Variants in TLN2 observed in about 807,000 individuals in gnomAD.
TLN2 encodes the protein talin 2.
A neutral mutation model predicts 294.7 loss-of-function variants in TLN2; 118 were observed. The observed-to-expected ratio is 0.40, with a 90% CI of 0.34 to 0.47. TLN2 has a LOEUF of 0.47. Among genes scored for constraint, TLN2 ranks in the 20% least tolerant of loss-of-function variants. TLN2 has a pLI of 0.84. For missense variants in TLN2, 3,083 were observed against 3,282.2 expected, an observed-to-expected ratio of 0.94 and a Z score of 1.48; for synonymous variants, 1,431 against 1,304.5, an observed-to-expected ratio of 1.10 and a Z score of -2.09.
intron 35 of TLN2, among the ~76,000 whole-genome samples, chr15:62,753,221 C>T (rs2062033206): frequency 1.3e-5 from 2 of 152,148 alleles, no homozygotes; most frequent in East Asian, 1.9e-4. Context: ...CTTTTCTGGG[C>T]CATCTTACTC....
intron 32 of TLN2, among the ~76,000 whole-genome samples, chr15:62,741,750 T>C (rs12185073): frequency 1.7e-4 from 6 of 35,908 alleles, no homozygotes; most frequent in Admixed American, 1.2e-3. Flanking sequence ...AATTTGCGCG[T>C]GTGTGTGTGT....
rs756684464 is a variant in TLN2, at chr15:62,740,727, C to A, written c.3983C>A (p.Pro1328Gln). Residue 1328 changes from proline to glutamine, a missense_variant, in exon 32 of 59, where the codon CCA becomes CAA. Pro to Gln is a moderately conservative substitution (Grantham distance 76, BLOSUM62 -1). Transcript: ENST00000636159. ...LLAAKSLSVDPGAPNAKNLLA... is the reference protein window; with the variant it reads ...LLAAKSLSVDQGAPNAKNLLA... Reference sequence around the variant, plus strand: ...GCTGCCAAGTCTCTCTCTGTAGATCCAGGAGCTCCCAATGCGAAAAATCTC... The same window carrying A: ...GCTGCCAAGTCTCTCTCTGTAGATCAAGGAGCTCCCAATGCGAAAAATCTC... The A allele has an allele frequency of 1.2e-6, 2 of 1,614,180 alleles. No homozygotes were observed. The highest frequency in any genetic ancestry group is 1.7e-6 in the Non-Finnish European group (2 of 1,180,032).
chr15:62,531,279 A>G (rs1402030437), intron 1 of TLN2, among the ~76,000 whole-genome samples: 1 of 152,212 alleles, frequency 6.6e-6, no homozygotes, highest in Non-Finnish European at 1.5e-5. Flanking sequence ...CAACTTGGGT[A>G]GAATTGGAGA....
chr15:62,564,331 C>T (rs1461782867), intron 1 of TLN2, among the ~76,000 whole-genome samples: 6 of 152,088 alleles, frequency 3.9e-5, no homozygotes, highest in East Asian at 1.9e-4. Context: ...CTGGTGTGCC[C>T]GTGGGGTGGA....
chr15:62,573,546 TTGCA>T (rs2140653336), intron 1 of TLN2, among the ~76,000 whole-genome samples: 1 of 152,234 alleles, frequency 6.6e-6, no homozygotes, highest in East Asian at 1.9e-4. Context: ...TCCTTCTATC[TTGCA>T]TGCATGACAG....
chr15:62,838,939 C>G lies in TLN2; in HGVS notation c.7458C>G (p.Asp2486Glu). The G allele has an allele frequency of 6.2e-7, 1 of 1,614,076 alleles. No individual in the cohort carries two copies. Residue 2486 changes from aspartate (D) to glutamate (E), a missense_variant, in exon 58 of 59, where the codon GAC becomes GAG. Physicochemically the swap from Asp to Glu is conservative, Grantham distance 45. Coordinates refer to ENST00000636159, the MANE Select transcript of TLN2 (RefSeq NM_015059.3). ...QKAAFGKADD[D>E]DVVVKTKFVG... ...CAGCTTTTGGCAAAGCTGATGACGACGATGTTGTAGTGAAAACCAAGTTTG... is the reference window on the plus strand; with the variant it reads ...CAGCTTTTGGCAAAGCTGATGACGAGGATGTTGTAGTGAAAACCAAGTTTG...
Position 62,690,906 on chromosome 15 carries a change from C to A in TLN2, c.1114-1934C>A, listed in dbSNP as rs753001479. On this transcript the variant is annotated intron_variant, in intron 12 of 58. Transcript: ENST00000636159. ...GTGCGCGCCTGCAATCGCAGGCACT[C>A]GGCAGGCTGAGGCAGGAGAATCAGG... Among the ~76,000 whole-genome samples the A allele has an allele frequency of 1.2e-3, 182 of 150,568 alleles. 2 individuals are homozygous for A. Among genetic ancestry groups the A allele is most frequent in the Non-Finnish European group, 1.8e-3 (120 of 67,838 alleles).
At chr15:62,407,120 C>G (rs1310218493) in intron 1 of TLN2, among the ~76,000 whole-genome samples, 1 of 152,094 alleles carries the variant, frequency 6.6e-6, no homozygotes, top group Non-Finnish European at 1.5e-5. Flanking sequence ...ACAAAGCCAG[C>G]AGGTGCAGAA....
At position 62,736,962 on chromosome 15, in the gene TLN2, C is replaced by T. The variant is rs768697506; in HGVS notation, c.3443C>T (p.Ala1148Val). The T allele has an allele frequency of 3.7e-6, 6 of 1,614,048 alleles. No homozygotes were observed. Among genetic ancestry groups the T allele is most frequent in the African/African-American group, 2.7e-5 (2 of 74,926 alleles). Reference protein sequence around the residue: ...RGVAASTTDPAAAHAMLDSAR... With the variant: ...RGVAASTTDPVAAHAMLDSAR... Reference sequence around the variant, plus strand: ...GTGGCTGCATCGACAACCGACCCCGCGGCCGCCCATGCCATGTTAGATTCT... The same window carrying T: ...GTGGCTGCATCGACAACCGACCCCGTGGCCGCCCATGCCATGTTAGATTCT... Residue 1148 changes from alanine (A) to valine (V), a missense_variant, in exon 29 of 59, where the codon GCG becomes GTG. Physicochemically the swap from Ala to Val is moderately conservative, Grantham distance 64. Coordinates refer to ENST00000636159, the MANE Select transcript of TLN2 (RefSeq NM_015059.3).
intron 3 of TLN2, among the ~76,000 whole-genome samples, chr15:62,643,998 T>C (rs1215681927): frequency 6.6e-6 from 1 of 152,066 alleles, no homozygotes; most frequent in Admixed American, 6.5e-5. Context: ...ATGTGCACTT[T>C]TGGATTACAA....
intron 31 of TLN2, 128 bp downstream of exon 31, chr15:62,739,673 T>C (rs772805652): frequency 3.9e-5 from 45 of 1,143,350 alleles, no homozygotes; most frequent in Non-Finnish European, 5.4e-5. Context: ...TTGCATTCTT[T>C]TTGCTGCTTA....
intron 16 of TLN2, among the ~76,000 whole-genome samples, chr15:62,699,439 A>G (rs1030739017): frequency 3.1e-4 from 47 of 151,582 alleles, no homozygotes; most frequent in African/African-American, 1.0e-3. Context: ...TTGCAACAAG[A>G]TCTCAGGTGA....
intron 1 of TLN2, among the ~76,000 whole-genome samples, chr15:62,465,106 T>G (rs2037046325): frequency 3.0e-4 from 2 of 6,660 alleles, no homozygotes; most frequent in Admixed American, 2.3e-3. Flanking sequence ...GTGAGCGCGT[T>G]TTTTTTTTTT....
At chr15:62,825,835 TA>T (rs1326980172) in intron 54 of TLN2, among the ~76,000 whole-genome samples, 5 of 7,052 alleles carry the variant, frequency 7.1e-4, no homozygotes, top group African/African-American at 9.0e-4. Context: ...TTATAATATA[TA>T]ATATATATAA....
intron 45 of TLN2, among the ~76,000 whole-genome samples, chr15:62,792,082 C>T (rs1309354573): frequency 2.6e-5 from 4 of 152,332 alleles, no homozygotes; most frequent in Middle Eastern, 3.4e-3. Flanking sequence ...TGGTCGCTGT[C>T]CCCATGGGAT....
chr15:62,433,236 C>G (rs934368183), intron 1 of TLN2, among the ~76,000 whole-genome samples: 3 of 152,106 alleles, frequency 2.0e-5, no homozygotes, highest in African/African-American at 7.2e-5. Flanking sequence ...TGTTGCTGGC[C>G]ACAGGGACCC....
chr15:62,714,993 G>GA (rs1202320234), intron 22 of TLN2, among the ~76,000 whole-genome samples: 2 of 152,094 alleles, frequency 1.3e-5, no homozygotes, highest in East Asian at 1.9e-4. Context: ...CTGATGAACA[G>GA]AAAAAAACAA....
chr15:62,805,928 G>A (rs781467431), intron 51 of TLN2, 143 bp downstream of exon 51: 17 of 905,374 alleles, frequency 1.9e-5, no homozygotes, highest in Middle Eastern at 3.6e-4. Context: ...AGTGGCTTAT[G>A]CCTGAAATCC....
chr15:62,459,886 C>T (rs532535438), intron 1 of TLN2, among the ~76,000 whole-genome samples: 1 of 152,102 alleles, frequency 6.6e-6, no homozygotes, highest in African/African-American at 2.4e-5. Flanking sequence ...GTTTTTTCCC[C>T]CTACCTCAGA....
Sources: allele counts gnomAD v4.1 joint callset (sites outside exome capture counted in the v4.1 genomes callset), GRCh38; gene constraint gnomAD v4.1.1; transcripts MANE v1.5; gene names NCBI Gene and HGNC (gene_info 2026-07-23, HGNC 2026-07-21).